FBLN7: variants seen among roughly 807,000 people sequenced by gnomAD.
FBLN7 encodes the protein fibulin 7.
Under a neutral mutation model 44.0 loss-of-function variants are expected in FBLN7, and 31 were observed. The ratio of observed to expected loss-of-function variants is 0.70; its 90% CI spans 0.53 to 0.95. The LOEUF is 0.95. Among genes scored for constraint, FBLN7 ranks in the 40% least tolerant of loss-of-function variants. The probability of loss-of-function intolerance (pLI) is 0.00; values close to 1 mark genes in which losing one functional copy is unlikely to be tolerated. For synonymous variants in FBLN7, 262 were observed against 253.4 expected, an observed-to-expected ratio of 1.03 and a Z score of -0.32; for missense variants, 573 against 618.5, an observed-to-expected ratio of 0.93 and a Z score of 0.78.
downstream of FBLN7, among the ~76,000 whole-genome samples, chr2:112,191,764 C>T (rs1307993929): frequency 6.6e-6 from 1 of 152,166 alleles, no homozygotes; most frequent in Non-Finnish European, 1.5e-5. Context: ...AAACTAGAAT[C>T]AGGATTTACT....
the FBLN7 span, chr2:112,233,496 C>T: frequency 1.5e-6 from 1 of 654,630 alleles, no homozygotes; most frequent in Non-Finnish European, 2.7e-6. Flanking sequence ...AGAGGTAGCA[C>T]ATTCTAACTG....
rs751929196 is a variant in FBLN7 at position 112,159,677 on chromosome 2, A to G, written c.77A>G (p.Asn26Ser). The part of the protein sequence containing the change: ...LACPEPRASQ[N>S]CLSKQQLLSA... ...GGCGGCGATGTCTTCTCTCCGCAGA[A>G]CTGTCTCAGCAAACAGCAGCTCCTC... The change falls in exon 2 of 8, where the codon AAC becomes AGC. Residue 26 changes from asparagine to serine, a missense_variant and splice_region_variant. Asn to Ser is a conservative substitution (Grantham distance 46, BLOSUM62 1). Coordinates refer to ENST00000331203, the MANE Select transcript of FBLN7 (RefSeq NM_153214.3). 6.4e-6 allele frequency: 10 copies of G among 1,551,368 alleles called. No individual in the cohort carries two copies. The South Asian group carries it at 8.2e-5, about 13-fold the overall frequency.
At position 112,160,772 on chromosome 2, in the gene FBLN7, A is replaced by ACAC. The variant is rs1681788113; in HGVS notation, c.235+937_235+938insCAC. On this transcript the variant is annotated intron_variant, in intron 2 of 7. Transcript: ENST00000331203. ...CGCACGCACACACGCACGCACACGC[A>ACAC]GACGCACACGCACGCACACGCACAC... Among the ~76,000 whole-genome samples, 7 of 38,782 alleles carry ACAC rather than the reference A, an allele frequency of 1.8e-4. 1 individual carries two copies. The highest frequency in any genetic ancestry group is 4.2e-4 in the Non-Finnish European group (7 of 16,474). 25.4% of individuals were successfully genotyped at this position (38,782 alleles called of 152,430 possible). A position where few individuals can be genotyped will look rare whatever the true frequency, so the allele number is the denominator to read the frequency against.
chr2:112,179,418 A>C (rs1180650989), intron 4 of FBLN7, among the ~76,000 whole-genome samples: 1 of 152,242 alleles, frequency 6.6e-6, no homozygotes, highest in African/African-American at 2.4e-5. Flanking sequence ...TACACTGCCC[A>C]AAACAACTTA....
chr2:112,212,251 C>T, the FBLN7 span: 1 of 152,238 alleles, frequency 6.6e-6, no homozygotes, highest in African/African-American at 2.4e-5. Flanking sequence ...GCTCCACCCT[C>T]AAAACCCAAT....
intron 3 of FBLN7, among the ~76,000 whole-genome samples, chr2:112,171,681 T>C (rs997498790): frequency 6.6e-6 from 1 of 152,310 alleles, no homozygotes; most frequent in Non-Finnish European, 1.5e-5. Context: ...AAGTCGCACA[T>C]ATTCAGTATC....
chr2:112,233,611 G>A, the FBLN7 span, among the ~76,000 whole-genome samples: 1 of 152,202 alleles, frequency 6.6e-6, no homozygotes, highest in Non-Finnish European at 1.5e-5. Flanking sequence ...GCTCACGCCT[G>A]TAATCCCAGC....
chr2:112,208,398 C>T, the FBLN7 span, among the ~76,000 whole-genome samples: 1 of 151,698 alleles, frequency 6.6e-6, no homozygotes, highest in Non-Finnish European at 1.5e-5. Context: ...GAGACTCCAT[C>T]TCAAAACACA....
At chr2:112,159,859 T>A in intron 2 of FBLN7, 24 bp downstream of exon 2, 2 of 1,504,284 alleles carry the variant, frequency 1.3e-6, no homozygotes, top group Non-Finnish European at 8.9e-7. Flanking sequence ...TCGGCACCGC[T>A]GGGGCGGCAG....
chr2:112,231,074 T>A, the FBLN7 span: 1 of 594,274 alleles, frequency 1.7e-6, no homozygotes, highest in Non-Finnish European at 2.4e-6. Context: ...CTAATATTAT[T>A]TACTACTACT....
At chr2:112,142,051 T>C (rs1411072227) in intron 1 of FBLN7, among the ~76,000 whole-genome samples, 2 of 152,186 alleles carry the variant, frequency 1.3e-5, no homozygotes, top group Non-Finnish European at 2.9e-5. Flanking sequence ...CCATAGATGG[T>C]CATTTAAAAA....
At chr2:112,141,441 G>A (rs1270645103) in intron 1 of FBLN7, among the ~76,000 whole-genome samples, 1 of 152,210 alleles carries the variant, frequency 6.6e-6, no homozygotes, top group African/African-American at 2.4e-5. Context: ...TACGGTGCAG[G>A]AAGGGATTCC....
At chr2:112,165,402 T>C (rs1174451291) in intron 3 of FBLN7, among the ~76,000 whole-genome samples, 3 of 152,238 alleles carry the variant, frequency 2.0e-5, no homozygotes, top group African/African-American at 7.2e-5. Context: ...TTGTTTTGCA[T>C]ATGGGGAAAC....
the FBLN7 span, among the ~76,000 whole-genome samples, chr2:112,229,306 A>T: frequency 0.11 from 16,729 of 152,270 alleles, 1,212 homozygotes; most frequent in Non-Finnish European, 0.16. Context: ...ATACCATTTT[A>T]AAAAAGTCTA....
intron 3 of FBLN7, among the ~76,000 whole-genome samples, chr2:112,174,910 T>G (rs1343202784): frequency 8.5e-5 from 13 of 152,066 alleles, no homozygotes. Flanking sequence ...CAATCATTTT[T>G]TTTCTAATTA....
At chr2:112,172,826 G>A (rs1211112462) in intron 3 of FBLN7, among the ~76,000 whole-genome samples, 1 of 151,906 alleles carries the variant, frequency 6.6e-6, no homozygotes, top group Non-Finnish European at 1.5e-5. Context: ...TAAAGACAAG[G>A]TTTCGCCATG....
Position 112,181,801 on chromosome 2 carries a change from G to C in FBLN7, c.595G>C (p.Val199Leu). 6.7e-7 allele frequency: 1 copy of C among 1,491,824 alleles called. No homozygotes were observed. Among genetic ancestry groups the C allele is most frequent in the Non-Finnish European group, 8.9e-7 (1 of 1,127,640 alleles). The allele number at this position is 1,491,824 out of a possible 1,614,324, so 92.4% of individuals were successfully genotyped here. Residue 199 changes from valine to leucine, a missense_variant, in exon 5 of 8, where the codon GTG (valine) becomes CTG (leucine). Val to Leu is a conservative substitution (Grantham distance 32). Coordinates refer to ENST00000331203, the MANE Select transcript of FBLN7 (RefSeq NM_153214.3). ...CAGCCGCGCGCCGCGCTGTGCGCAGGTGGAGCGGGCTCAGCACTGCAGCTG... is the reference window on the plus strand; with the variant it reads ...CAGCCGCGCGCCGCGCTGTGCGCAGCTGGAGCGGGCTCAGCACTGCAGCTG... ...AFSRAPRCAQVERAQHCSCEA... is the reference protein window; with the variant it reads ...AFSRAPRCAQLERAQHCSCEA...
chr2:112,182,647 G>T, intron 5 of FBLN7, 144 bp from the exon 6 acceptor site: 4 of 926,698 alleles, frequency 4.3e-6, no homozygotes, highest in Non-Finnish European at 6.3e-6. Flanking sequence ...TCTGCTGGGG[G>T]TAGGGCATGG....
chr2:112,147,978 C>T (rs898240985), intron 1 of FBLN7, among the ~76,000 whole-genome samples: 3 of 152,128 alleles, frequency 2.0e-5, no homozygotes, highest in East Asian at 1.9e-4. Flanking sequence ...GGAAAGCTGA[C>T]CCGCGCTCTC....
Sources: allele counts gnomAD v4.1 joint callset (sites outside exome capture counted in the v4.1 genomes callset), GRCh38; gene constraint gnomAD v4.1.1; transcripts MANE v1.5; gene names NCBI Gene and HGNC (gene_info 2026-07-23, HGNC 2026-07-21).